The following PPFIBP2 variants were observed in gnomAD, a reference collection of about 807,000 sequenced individuals.
PPFIBP2 encodes liprin-beta-2.
Under a neutral mutation model 118.3 loss-of-function variants are expected in PPFIBP2, and 118 were observed. The observed-to-expected ratio is 1.00, with a 90% confidence interval of 0.86 to 1.16. The LOEUF is 1.16. Ranked by LOEUF, PPFIBP2 falls within the 50% of genes most tolerant of loss-of-function variation. PPFIBP2 has a pLI of 0.00. For missense variants in PPFIBP2, 1,195 were observed against 1,073.1 expected, an observed-to-expected ratio of 1.11 and a Z score of -1.59; for synonymous variants, 414 against 397.4, an observed-to-expected ratio of 1.04 and a Z score of -0.50.
intron 5 of PPFIBP2, 140 bp from the exon 6 acceptor site, chr11:7,610,151 C>T (rs1847889004): frequency 9.1e-7 from 1 of 1,093,900 alleles, no homozygotes; most frequent in Non-Finnish European, 1.3e-6. Context: ...CCATAATAGG[C>T]CTGTGACTCT....
At position 7,634,557 on chromosome 11, in the gene PPFIBP2, G is replaced by A. The variant is rs769425952; in HGVS notation, c.1194+5G>A. 6.2e-7 allele frequency: 1 copy of A among 1,610,932 alleles called. No individual in the cohort carries two copies. The highest frequency in any genetic ancestry group is 1.1e-5 in the South Asian group (1 of 90,998). The stretch of plus-strand genomic sequence containing the variant: ...AGAAGTGAATCTGTGGATAAGGTCG[G>A]CTCATCAACCTATCCTTAAAGATGA... On this transcript the variant is annotated splice_donor_5th_base_variant and intron_variant, in intron 13 of 23. Coordinates refer to ENST00000299492, the MANE Select transcript of PPFIBP2 (RefSeq NM_003621.5).
the PPFIBP2 span, among the ~76,000 whole-genome samples, chr11:7,664,786 T>A: frequency 6.6e-6 from 1 of 151,690 alleles, no homozygotes; most frequent in Admixed American, 6.5e-5. Context: ...AACAGGGGGA[T>A]GGGTGAGGTT....
intron 5 of PPFIBP2, among the ~76,000 whole-genome samples, chr11:7,609,429 A>G (rs745504798): frequency 3.9e-5 from 6 of 152,206 alleles, no homozygotes; most frequent in Non-Finnish European, 8.8e-5. Flanking sequence ...CCCTTTGCCA[A>G]TGGAAAAATA....
At chr11:7,532,935 C>G (rs1053393744) in intron 1 of PPFIBP2, among the ~76,000 whole-genome samples, 3 of 152,202 alleles carry the variant, frequency 2.0e-5, no homozygotes, top group African/African-American at 4.8e-5. Flanking sequence ...GGGGCCTATT[C>G]CTCAGCAGGC....
At chr11:7,543,243 T>G (rs1046991025) in intron 1 of PPFIBP2, among the ~76,000 whole-genome samples, 1 of 152,258 alleles carries the variant, frequency 6.6e-6, no homozygotes, top group African/African-American at 2.4e-5. Flanking sequence ...TAGCAAAAGG[T>G]ATTTCTTAAA....
chr11:7,635,700 G>A, intron 14 of PPFIBP2, 107 bp downstream of exon 14: 1 of 1,217,538 alleles, frequency 8.2e-7, no homozygotes, highest in Non-Finnish European at 1.2e-6. Context: ...CAACTGTAAG[G>A]AGTAAGAGGG....
At chr11:7,655,565 G>C, downstream of PPFIBP2, 1 of 1,216,536 alleles carries the variant, frequency 8.2e-7, no homozygotes, top group Non-Finnish European at 1.1e-6. Flanking sequence ...TTGGTGTGGT[G>C]TGGTGTGGTA....
intron 3 of PPFIBP2, among the ~76,000 whole-genome samples, chr11:7,587,348 A>G (rs1485242559): frequency 6.6e-6 from 1 of 152,222 alleles, no homozygotes; most frequent in African/African-American, 2.4e-5. Context: ...CTTTAAGCAA[A>G]TCAAGCAATA....
intron 7 of PPFIBP2, among the ~76,000 whole-genome samples, chr11:7,621,976 A>C (rs1849409209): frequency 1.3e-5 from 2 of 152,250 alleles, no homozygotes; most frequent in South Asian, 4.1e-4. Context: ...CCCAGGCACT[A>C]CCATTGCTAA....
chr11:7,646,261 A>G (rs1470941396), intron 17 of PPFIBP2, among the ~76,000 whole-genome samples: 1 of 152,248 alleles, frequency 6.6e-6, no homozygotes, highest in Non-Finnish European at 1.5e-5. Context: ...AACTTTGTCA[A>G]TTCAAAGAAT....
downstream of PPFIBP2, among the ~76,000 whole-genome samples, chr11:7,661,335 C>G (rs1854886147): frequency 6.7e-6 from 1 of 150,258 alleles, no homozygotes; most frequent in South Asian, 2.2e-4. Context: ...CCCAGAGATT[C>G]TGGTATGTTG....
chr11:7,641,733 G>C, intron 16 of PPFIBP2, 113 bp downstream of exon 16: 1 of 1,067,244 alleles, frequency 9.4e-7, no homozygotes, highest in East Asian at 2.4e-5. Flanking sequence ...AGTCAAAACA[G>C]AGTGTTCATG....
intron 11 of PPFIBP2, 167 bp from the exon 12 acceptor site, chr11:7,632,700 C>A (rs934747343): frequency 5.3e-6 from 3 of 568,138 alleles, no homozygotes; most frequent in Admixed American, 2.6e-5. Context: ...GCCTACCACA[C>A]CCCCTTGCAT....
chr11:7,638,647 A>G (rs887116688), intron 14 of PPFIBP2, among the ~76,000 whole-genome samples: 2 of 152,094 alleles, frequency 1.3e-5, no homozygotes, highest in African/African-American at 2.4e-5. Context: ...TTTGTTTTTT[A>G]TATTACTTTC....
intron 3 of PPFIBP2, among the ~76,000 whole-genome samples, chr11:7,569,699 C>T (rs1005996543): frequency 6.6e-6 from 1 of 152,140 alleles, no homozygotes; most frequent in African/African-American, 2.4e-5. Context: ...GTGTTACCCT[C>T]AGGAGATGGG....
intron 1 of PPFIBP2, among the ~76,000 whole-genome samples, chr11:7,546,790 C>A (rs895608940): frequency 4.6e-5 from 7 of 152,258 alleles, no homozygotes; most frequent in Non-Finnish European, 8.8e-5. Context: ...GCATTCTCCT[C>A]CTCATCTTCT....
At chr11:7,588,405 C>G (rs181797968) in intron 3 of PPFIBP2, among the ~76,000 whole-genome samples, 2 of 152,290 alleles carry the variant, frequency 1.3e-5, no homozygotes, top group African/African-American at 4.8e-5. Flanking sequence ...CATAGAATAC[C>G]CTGCACAGCT....
intron 3 of PPFIBP2, among the ~76,000 whole-genome samples, chr11:7,588,610 C>T (rs1208824472): frequency 6.6e-6 from 1 of 152,200 alleles, no homozygotes; most frequent in Non-Finnish European, 1.5e-5. Flanking sequence ...TGAAGACACT[C>T]TGGAATATTA....
intron 3 of PPFIBP2, among the ~76,000 whole-genome samples, chr11:7,567,645 A>T (rs1352136077): frequency 6.6e-6 from 1 of 152,262 alleles, no homozygotes; most frequent in African/African-American, 2.4e-5. Flanking sequence ...TAGATCTTGC[A>T]GACCTAAAGT....
Sources: allele counts gnomAD v4.1 joint callset (sites outside exome capture counted in the v4.1 genomes callset), GRCh38; gene constraint gnomAD v4.1.1; transcripts MANE v1.5; gene names NCBI Gene and HGNC (gene_info 2026-07-23, HGNC 2026-07-21).